Variants in COPG2 observed in about 807,000 individuals in gnomAD.
The protein encoded by COPG2 is coat protein complex I subunit gamma 2.
A neutral mutation model predicts 46.3 loss-of-function variants in COPG2; 37 were observed. The ratio of observed to expected loss-of-function variants is 0.80; its 90% CI spans 0.61 to 1.05. The LOEUF (loss-of-function observed/expected upper bound fraction) is 1.05. Among genes scored for constraint, COPG2 ranks in the 50% least tolerant of loss-of-function variants. COPG2 has a pLI of 0.00. For missense variants in COPG2, 427 were observed against 387.8 expected (o/e 1.10, Z -0.85); for synonymous variants, 159 against 129.7 (o/e 1.23, Z -1.53).
chr7:130,629,097 C>T (rs797024720), intron 5 of COPG2, among the ~76,000 whole-genome samples: 5 of 152,218 alleles, frequency 3.3e-5, no homozygotes, highest in African/African-American at 1.2e-4. Flanking sequence ...TATCAGTTGA[C>T]ACAACATTGT....
intron 20 of COPG2, among the ~76,000 whole-genome samples, chr7:130,526,658 T>G (rs976588474): frequency 3.9e-4 from 59 of 151,286 alleles, no homozygotes; most frequent in Non-Finnish European, 6.9e-4. Context: ...ACAAAGGAAT[T>G]TGGAGTGCTC....
At chr7:130,628,338 T>G (rs1331621461) in intron 5 of COPG2, among the ~76,000 whole-genome samples, 1 of 152,170 alleles carries the variant, frequency 6.6e-6, no homozygotes, top group Non-Finnish European at 1.5e-5. Context: ...CCATTTTACT[T>G]CCTTTACTAG....
intron 20 of COPG2, among the ~76,000 whole-genome samples, chr7:130,530,054 G>A (rs1185398822): frequency 1.3e-5 from 2 of 152,162 alleles, no homozygotes; most frequent in Admixed American, 6.5e-5. Context: ...AGGGTGTCGG[G>A]TGCTGGGATG....
rs868951400 is a variant in COPG2 at position 130,587,648 on chromosome 7, G to T, written c.738-23255C>A. Among the ~76,000 whole-genome samples the T allele has an allele frequency of 2.0e-3, 309 of 152,144 alleles. 2 individuals are homozygous for T. The highest frequency in any genetic ancestry group is 6.7e-3 in the African/African-American group (278 of 41,506). On this transcript the variant is annotated intron_variant, in intron 9 of 23. Coordinates refer to ENST00000425248, the MANE Select transcript of COPG2 (RefSeq NM_012133.6). Reference sequence around the variant, plus strand: ...ACCTTATACAAAAATTAATTCAAGAGGGATTAAAGACTTACATGTTAGACC... The same window carrying T: ...ACCTTATACAAAAATTAATTCAAGATGGATTAAAGACTTACATGTTAGACC...
chr7:130,610,790 A>G, intron 9 of COPG2, 163 bp downstream of exon 9: 1 of 739,058 alleles, frequency 1.4e-6, no homozygotes, highest in South Asian at 1.5e-5. Flanking sequence ...AAGGTTAAAA[A>G]AAGTGTGACT....
intron 20 of COPG2, among the ~76,000 whole-genome samples, chr7:130,516,396 G>C (rs1274869677): frequency 6.6e-6 from 1 of 152,156 alleles, no homozygotes; most frequent in Non-Finnish European, 1.5e-5. Context: ...ACTATGAAAG[G>C]TTAGGCTATA....
At chr7:130,668,349 G>A (rs1334573383) in intron 1 of COPG2, among the ~76,000 whole-genome samples, 2 of 150,672 alleles carry the variant, frequency 1.3e-5, no homozygotes, top group Non-Finnish European at 3.0e-5. Context: ...GCGCAGGGGA[G>A]GAGGCGGCTC....
At chr7:130,534,499 A>G (rs1799859936) in intron 20 of COPG2, among the ~76,000 whole-genome samples, 1 of 151,804 alleles carries the variant, frequency 6.6e-6, no homozygotes, top group African/African-American at 2.4e-5. Context: ...ATGAGGCTCC[A>G]ATGGGGGTGG....
chr7:130,569,044 C>T (rs1310020404), intron 9 of COPG2, among the ~76,000 whole-genome samples: 2 of 152,012 alleles, frequency 1.3e-5, no homozygotes, highest in Non-Finnish European at 2.9e-5. Flanking sequence ...CTCTGAGATA[C>T]AGCAAAAAAG....
intron 9 of COPG2, among the ~76,000 whole-genome samples, chr7:130,598,724 T>C (rs1794576748): frequency 6.6e-6 from 1 of 152,210 alleles, no homozygotes; most frequent in Admixed American, 6.5e-5. Context: ...TCTGTTCTTA[T>C]ACTAACAGTT....
chr7:130,521,541 A>C (rs1417263214), intron 20 of COPG2, among the ~76,000 whole-genome samples: 1 of 152,242 alleles, frequency 6.6e-6, no homozygotes, highest in African/African-American at 2.4e-5. Flanking sequence ...GCAGAAAAAG[A>C]AAAACAACAG....
At chr7:130,666,981 A>C in intron 2 of COPG2, 52 bp from the exon 3 acceptor site, 5 of 937,268 alleles carry the variant, frequency 5.3e-6, no homozygotes, top group African/African-American at 1.7e-5. Context: ...TCTATCACAG[A>C]TTATAGCAAA....
intron 5 of COPG2, among the ~76,000 whole-genome samples, chr7:130,637,591 T>G (rs1259279769): frequency 6.6e-6 from 1 of 152,184 alleles, no homozygotes; most frequent in Non-Finnish European, 1.5e-5. Flanking sequence ...TTTATTTTCT[T>G]TCTAAGCTGG....
At chr7:130,607,564 A>G in intron 9 of COPG2, 1 of 430,368 alleles carries the variant, frequency 2.3e-6, no homozygotes, top group South Asian at 1.7e-5. Flanking sequence ...TGAATTCTCC[A>G]TTCAATTCTT....
At chr7:130,583,493 T>TAAAAAAAA (rs782593413) in intron 9 of COPG2, among the ~76,000 whole-genome samples, 1 of 34,368 alleles carries the variant, frequency 2.9e-5, no homozygotes, top group African/African-American at 1.4e-4. Context: ...ACATAAAGTA[T>TAAAAAAAA]AAAAAAAAAA....
At chr7:130,555,800 A>G (rs1241569993) in intron 12 of COPG2, among the ~76,000 whole-genome samples, 1 of 152,194 alleles carries the variant, frequency 6.6e-6, no homozygotes, top group Non-Finnish European at 1.5e-5. Flanking sequence ...ACTGCACTCC[A>G]GCCTGGGTGA....
intron 20 of COPG2, among the ~76,000 whole-genome samples, chr7:130,524,798 G>A (rs1225658640): frequency 2.6e-5 from 4 of 152,166 alleles, no homozygotes; most frequent in African/African-American, 7.2e-5. Flanking sequence ...AGGGGACCAC[G>A]TGTCAATGAA....
chr7:130,532,733 G>A (rs1160716501), intron 20 of COPG2, among the ~76,000 whole-genome samples: 1 of 152,164 alleles, frequency 6.6e-6, no homozygotes, highest in Non-Finnish European at 1.5e-5. Flanking sequence ...GGGTTGTGGT[G>A]TGCTGGAAAA....
At chr7:130,642,080 T>C (rs1185183852) in intron 5 of COPG2, among the ~76,000 whole-genome samples, 1 of 151,914 alleles carries the variant, frequency 6.6e-6, no homozygotes, top group Non-Finnish European at 1.5e-5. Flanking sequence ...CAATTCTCAA[T>C]TCCTCAATTC....
Sources: allele counts gnomAD v4.1 joint callset (sites outside exome capture counted in the v4.1 genomes callset), GRCh38; gene constraint gnomAD v4.1.1; transcripts MANE v1.5; gene names NCBI Gene and HGNC (gene_info 2026-07-23, HGNC 2026-07-21).